LONRF1: variants seen among roughly 807,000 people sequenced by gnomAD.
LONRF1 encodes LON peptidase N-terminal domain and RING finger protein 1.
Under a neutral mutation model 85.8 loss-of-function variants are expected in LONRF1, and 37 were observed. The observed-to-expected ratio is 0.43, with a 90% CI of 0.33 to 0.57. The LOEUF (loss-of-function observed/expected upper bound fraction) is 0.57, where lower values mean the gene tolerates loss of function less well. Among genes scored for constraint, LONRF1 ranks in the 20% least tolerant of loss-of-function variants. The pLI is 0.04. For missense variants in LONRF1, 1,036 were observed against 978.0 expected (o/e 1.06, Z -0.79); for synonymous variants, 517 against 390.1 (o/e 1.33, Z -3.83).
At chr8:12,754,193 A>T (rs561165360) in intron 1 of LONRF1, 1 of 152,140 alleles carries the variant, frequency 6.6e-6, no homozygotes, top group South Asian at 2.1e-4. Context: ...TGTCCCGGTG[A>T]CTTTTGTGGG....
chr8:12,738,231 T>C, intron 3 of LONRF1, 87 bp from the exon 4 acceptor site: 1 of 915,648 alleles, frequency 1.1e-6, no homozygotes, highest in Non-Finnish European at 1.5e-6. Context: ...AAAGAATATG[T>C]AGAAAGTTTG....
In LONRF1 at chr8:12,723,192, T is replaced by C; in HGVS notation, c.2226A>G (p.Arg742=). 1.2e-6 allele frequency: 2 copies of C among 1,614,180 alleles called. No homozygotes were observed. The highest frequency in any genetic ancestry group is 1.7e-6 in the Non-Finnish European group (2 of 1,180,030). Residue 742 remains arginine, a synonymous_variant, in exon 12 of 12, where the codon CGA becomes CGG. Coordinates refer to ENST00000398246, the MANE Select transcript of LONRF1 (RefSeq NM_152271.5). ...WLLAVLPVDP[R]YQLSVLSMKS... Reference sequence around the variant, plus strand: ...TCATTGACAAAACCGACAGCTGGTATCGTGGGTCTACAGGGAGAACTGCAA... The same window carrying C: ...TCATTGACAAAACCGACAGCTGGTACCGTGGGTCTACAGGGAGAACTGCAA...
At chr8:12,729,366 T>A in intron 8 of LONRF1, 34 bp from the exon 9 acceptor site, 1 of 1,601,136 alleles carries the variant, frequency 6.2e-7, no homozygotes, top group East Asian at 2.2e-5. Flanking sequence ...TTAGAATTCA[T>A]ACAAGAAAAA....
Position 12,743,214 on chromosome 8 carries a change from C to A in LONRF1, c.790G>T (p.Ala264Ser). 1 of 1,613,292 alleles carries A rather than the reference C, an allele frequency of 6.2e-7. No individual in the cohort carries two copies. The highest frequency in any genetic ancestry group is 8.5e-7 in the Non-Finnish European group (1 of 1,179,494). The change falls in exon 2 of 12, where the codon GCC becomes TCC. Residue 264 changes from alanine to serine, a missense_variant. Ala to Ser is a moderately conservative substitution (Grantham distance 99). Coordinates refer to ENST00000398246, the MANE Select transcript of LONRF1 (RefSeq NM_152271.5). ...AGAACTGCATTTAAATCTTCTATGG[C>A]TGCTTTAAACTCTTGGAGACCAGCA... ...SYAGLQEFKA[A>S]IEDLNAVLFQ...
At chr8:12,735,971 T>C (rs111885090) in intron 6 of LONRF1, among the ~76,000 whole-genome samples, 3,026 of 152,294 alleles carry the variant, frequency 0.02, 50 homozygotes, top group South Asian at 0.097. Flanking sequence ...ACAGAACAAC[T>C]AGTTTTACTT....
intron 10 of LONRF1, 34 bp downstream of exon 10, chr8:12,728,867 C>T (rs761492389): frequency 1.6e-5 from 25 of 1,612,020 alleles, no homozygotes; most frequent in South Asian, 3.3e-5. Context: ...ACAGGATATA[C>T]GAAAGTATGC....
chr8:12,751,736 T>C (rs1364497140), intron 1 of LONRF1, among the ~76,000 whole-genome samples: 2 of 151,932 alleles, frequency 1.3e-5, no homozygotes, highest in East Asian at 1.9e-4. Flanking sequence ...TACTGTTCTG[T>C]TGTCTTCCTC....
chr8:12,750,024 T>C (rs1049389527), intron 1 of LONRF1, among the ~76,000 whole-genome samples: 1 of 152,254 alleles, frequency 6.6e-6, no homozygotes, highest in Admixed American at 6.5e-5. Context: ...TGCGTGCTAA[T>C]TTTTAAATCA....
Position 12,736,731 on chromosome 8 carries a change from A to G in LONRF1, c.1421T>C (p.Val474Ala), listed in dbSNP as rs1222465718. ...GCAGAGAGAACACTCGAAATCTGAG[A>G]CATCGATTAATTCTTCTGGAATATC... ...YGDIPEELID[V>A]SDFECSLCMR... The change falls in exon 6 of 12, where the codon GTC becomes GCC. Residue 474 changes from valine (V) to alanine (A), a missense_variant. By Grantham distance (64) the Val-to-Ala change is moderately conservative. This residue lies in a region of LONRF1 where 29 missense variants were observed against 62.1 expected (regional missense o/e 0.47). Coordinates refer to ENST00000398246, the MANE Select transcript of LONRF1 (RefSeq NM_152271.5). 6 of 1,611,248 alleles carry G rather than the reference A, an allele frequency of 3.7e-6. No individual in the cohort carries two copies. In the Admixed American group the frequency reaches 8.4e-5, roughly 23 times the overall value.
intron 1 of LONRF1, among the ~76,000 whole-genome samples, chr8:12,744,138 G>A (rs549123930): frequency 6.6e-6 from 1 of 152,068 alleles, no homozygotes; most frequent in Non-Finnish European, 1.5e-5. Flanking sequence ...ATCTTTAAAA[G>A]CATAAAGTAT....
chr8:12,736,682 TAA>T lies in LONRF1; in HGVS notation c.1451+17_1451+18del. The T allele has an allele frequency of 4.0e-6, 6 of 1,518,200 alleles. No homozygotes were observed. Among genetic ancestry groups the T allele is most frequent in the Non-Finnish European group, 5.4e-6 (6 of 1,108,502 alleles). 94.0% of individuals were successfully genotyped at this position (1,518,200 alleles called of 1,614,324 possible). A position where few individuals can be genotyped will look rare whatever the true frequency, so the allele number is the denominator to read the frequency against. On this transcript the variant is annotated intron_variant, in intron 6 of 11. Coordinates refer to ENST00000398246, the MANE Select transcript of LONRF1 (RefSeq NM_152271.5). ...ACTAACATAAAATATTCATCTTCTA[TAA>T]AGTTTTATATGCTTACCTCATGCAG...
chr8:12,736,431 C>G (rs2117271307), intron 6 of LONRF1, among the ~76,000 whole-genome samples: 1 of 152,238 alleles, frequency 6.6e-6, no homozygotes, highest in African/African-American at 2.4e-5. Flanking sequence ...TTCCCAGATT[C>G]CTTTTATACT....
intron 4 of LONRF1, 170 bp from the exon 5 acceptor site, chr8:12,737,310 GC>G (rs1444000982): frequency 1.2e-6 from 1 of 837,170 alleles, no homozygotes; most frequent in African/African-American, 1.7e-5. Context: ...ATTTTTGCCA[GC>G]ACAGTTGGCC....
At chr8:12,727,556 G>A (rs1450707933) in intron 10 of LONRF1, among the ~76,000 whole-genome samples, 1 of 152,088 alleles carries the variant, frequency 6.6e-6, no homozygotes, top group Non-Finnish European at 1.5e-5. Flanking sequence ...AATACTTTTA[G>A]AATGTGATTC....
In LONRF1 at chr8:12,725,732, G is replaced by C; in HGVS notation, c.2158C>G (p.Leu720Val). 1 of 1,611,252 alleles carries C rather than the reference G, an allele frequency of 6.2e-7. No individual in the cohort carries two copies. The highest frequency in any genetic ancestry group is 8.5e-7 in the Non-Finnish European group (1 of 1,177,798). The change falls in exon 11 of 12, where the codon CTT (leucine) becomes GTT (valine). Residue 720 changes from leucine (L) to valine (V), a missense_variant. By Grantham distance (32) the Leu-to-Val change is conservative. Around this residue, in one of 3 missense-constraint regions of LONRF1, gnomAD observed 265 missense variants for 301.5 expected, o/e 0.88. Coordinates refer to ENST00000398246, the MANE Select transcript of LONRF1 (RefSeq NM_152271.5). The stretch of plus-strand genomic sequence containing the variant: ...GAACAGAAAAGCCACCATACCTGAA[G>C]GTTTTCCTCCCTCTCGGGCATTGAT... ...FGSMPEREEN[L>V]QAAPNGPAWC...
At chr8:12,728,530 G>C (rs947408170) in intron 10 of LONRF1, among the ~76,000 whole-genome samples, 1 of 152,022 alleles carries the variant, frequency 6.6e-6, no homozygotes, top group African/African-American at 2.4e-5. Context: ...AATAAAACAG[G>C]GCAGAAATGT....
At chr8:12,751,668 T>C (rs1270617868) in intron 1 of LONRF1, among the ~76,000 whole-genome samples, 1 of 150,716 alleles carries the variant, frequency 6.6e-6, no homozygotes, top group Non-Finnish European at 1.5e-5. Context: ...AAACAAAATA[T>C]CACCCCCCCA....
Position 12,731,801 on chromosome 8 carries a change from C to A in LONRF1, c.1623G>T (p.Lys541Asn). ...VTQLLEELIV[K>N]YLPDELSERK... ...TCTCAGACAGTTCATCAGGCAGATA[C>A]TTCACTATTAATTCTTCCAACAGCT... The change falls in exon 8 of 12, where the codon AAG becomes AAT. Residue 541 changes from lysine to asparagine, a missense_variant. Lys to Asn is a moderately conservative substitution (Grantham distance 94). Transcript: ENST00000398246. 5 of 1,612,498 alleles carry A rather than the reference C, an allele frequency of 3.1e-6. No homozygotes were observed. The highest frequency in any genetic ancestry group is 4.2e-6 in the Non-Finnish European group (5 of 1,178,684).
chr8:12,753,255 T>C (rs1021647025), intron 1 of LONRF1: 1 of 152,180 alleles, frequency 6.6e-6, no homozygotes, highest in African/African-American at 2.4e-5. Flanking sequence ...CAACACAAGA[T>C]CTTGACATTA....
Sources: allele counts gnomAD v4.1 joint callset (sites outside exome capture counted in the v4.1 genomes callset), GRCh38; gene constraint gnomAD v4.1.1; regional missense constraint gnomAD v4.1.1; transcripts MANE v1.5; gene names NCBI Gene and HGNC (gene_info 2026-07-23, HGNC 2026-07-21).